Variants in COPS2 observed in about 807,000 individuals in gnomAD.
The protein encoded by COPS2 is COP9 signalosome subunit 2, also known as COP9 signalosome complex subunit 2.
A neutral mutation model predicts 66.1 loss-of-function variants in COPS2; 10 were observed. That is an observed-to-expected ratio of 0.15 (90% CI 0.09 to 0.26). The LOEUF (loss-of-function observed/expected upper bound fraction) is 0.26. Among genes scored for constraint, COPS2 ranks in the 10% least tolerant of loss-of-function variants. COPS2 has a pLI of 1.00. For synonymous variants in COPS2, 179 were observed against 171.3 expected (o/e 1.04, Z -0.35); for missense variants, 215 against 513.3 (o/e 0.42, Z 5.62).
Position 49,126,264 on chromosome 15 carries a change from C to T in COPS2, c.*1686G>A, listed in dbSNP as rs2084165428. 1 of 152,220 alleles carries T rather than the reference C, an allele frequency of 6.6e-6. No homozygotes were observed. Among genetic ancestry groups the T allele is most frequent in the Non-Finnish European group, 1.5e-5 (1 of 67,876 alleles). The allele number at this position is 152,220 out of a possible 1,614,324, so 9.4% of individuals were successfully genotyped here. ...GTTTTCTACAATTTCCAACTTGTACCTGTGTTTAATACTGCTTTAGTCTGC... is the reference window on the plus strand; with the variant it reads ...GTTTTCTACAATTTCCAACTTGTACTTGTGTTTAATACTGCTTTAGTCTGC... On this transcript the variant is annotated 3_prime_UTR_variant, in exon 13 of 13. Coordinates refer to ENST00000388901, the MANE Select transcript of COPS2 (RefSeq NM_004236.4).
chr15:49,153,845 G>A lies in COPS2; in HGVS notation c.54+1680C>T, dbSNP rs79531886. Among the ~76,000 whole-genome samples the A allele has an allele frequency of 5.0e-3, 767 of 152,206 alleles. 5 individuals are homozygous for A. Among genetic ancestry groups the A allele is most frequent in the Middle Eastern group, 0.017 (5 of 294 alleles). ...TGGGAGCAAAAGAAGTTGATTTCAC[G>A]GTGGTAGAGAGTAGAATGATAGGAA... On this transcript the variant is annotated intron_variant, in intron 1 of 12. Coordinates refer to ENST00000388901, the MANE Select transcript of COPS2 (RefSeq NM_004236.4).
chr15:49,139,918 T>C (rs532154011), intron 3 of COPS2, among the ~76,000 whole-genome samples: 1 of 152,336 alleles, frequency 6.6e-6, no homozygotes, highest in South Asian at 2.1e-4. Flanking sequence ...GAAATTGTCA[T>C]TGCACAACAT....
rs189828389 is a variant in COPS2 at position 49,152,644 on chromosome 15, A to G, written c.54+2881T>C. On this transcript the variant is annotated intron_variant, in intron 1 of 12. Coordinates refer to ENST00000388901, the MANE Select transcript of COPS2 (RefSeq NM_004236.4). Reference sequence around the variant, plus strand: ...CAAGACCAGTCTGACCAACATGGTGAAACCCCGCCTCTAATAAAAACACAA... The same window carrying G: ...CAAGACCAGTCTGACCAACATGGTGGAACCCCGCCTCTAATAAAAACACAA... 3.8e-3 allele frequency among the ~76,000 whole-genome samples: 575 copies of G among 152,250 alleles called. 8 individuals are homozygous for G. The highest frequency in any genetic ancestry group is 0.013 in the African/African-American group (551 of 41,538).
intron 3 of COPS2, among the ~76,000 whole-genome samples, chr15:49,142,516 T>C (rs1015968606): frequency 4.6e-5 from 7 of 152,050 alleles, no homozygotes; most frequent in African/African-American, 1.7e-4. Context: ...ATATGGGAAA[T>C]ACAAAAACAG....
intron 10 of COPS2, 124 bp from the exon 11 acceptor site, chr15:49,129,683 T>A (rs778250187): frequency 1.2e-5 from 5 of 433,388 alleles, no homozygotes; most frequent in African/African-American, 1.0e-4. Context: ...ATATAAAGTG[T>A]TTAGATTTTA....
chr15:49,128,057 G>C lies in COPS2; in HGVS notation c.1225C>G (p.Leu409Val). The C allele has an allele frequency of 6.2e-7, 1 of 1,613,826 alleles. No individual in the cohort carries two copies. The highest frequency in any genetic ancestry group is 8.5e-7 in the Non-Finnish European group (1 of 1,179,828). The change falls in exon 13 of 13, where the codon CTT becomes GTT. Residue 409 changes from leucine to valine, a missense_variant. Coordinates refer to ENST00000388901, the MANE Select transcript of COPS2 (RefSeq NM_004236.4). ...CCCCTCTTCTGATGATCCAGTTCAA[G>C]GAGTTGGTTGACTTGATCAATTCGG... is the stretch of plus-strand genomic sequence containing the variant. ...HGRIDQVNQL[L>V]ELDHQKRGGA...
chr15:49,140,478 C>T (rs575885010), intron 3 of COPS2, among the ~76,000 whole-genome samples: 1 of 152,052 alleles, frequency 6.6e-6, no homozygotes, highest in African/African-American at 2.4e-5. Flanking sequence ...CCTCAATACT[C>T]GTTTCAAGTC....
intron 1 of COPS2, among the ~76,000 whole-genome samples, chr15:49,152,227 ACT>A (rs1377782908): frequency 6.6e-6 from 1 of 151,698 alleles, no homozygotes; most frequent in Non-Finnish European, 1.5e-5. Flanking sequence ...AAAAAGAAAA[ACT>A]CTTTTGGCAA....
intron 5 of COPS2, 29 bp downstream of exon 5, chr15:49,137,319 A>G (rs755331936): frequency 9.0e-6 from 14 of 1,548,342 alleles, no homozygotes; most frequent in Admixed American, 3.5e-5. Flanking sequence ...CACTTTTCAA[A>G]AGAAAAGTGT....
rs948289445 is a variant in COPS2 at position 49,144,913 on chromosome 15, G to C, written c.168+52C>G. 6 of 964,616 alleles carry C rather than the reference G, an allele frequency of 6.2e-6. No homozygotes were observed. The African/African-American group carries it at 8.5e-5, about 14-fold the overall frequency. 59.8% of individuals were successfully genotyped at this position (964,616 alleles called of 1,614,324 possible). Reference sequence around the variant, plus strand: ...AATCACCTGGGACTTATTTGTTCTAGCATATCATTAAAAAAATTAACACAT... The same window carrying C: ...AATCACCTGGGACTTATTTGTTCTACCATATCATTAAAAAAATTAACACAT... On this transcript the variant is annotated intron_variant, in intron 2 of 12. Transcript: ENST00000388901.
intron 6 of COPS2, 101 bp from the exon 7 acceptor site, chr15:49,134,615 T>C: frequency 1.0e-6 from 1 of 964,600 alleles, no homozygotes; most frequent in Non-Finnish European, 1.5e-6. Flanking sequence ...TATTTCCATG[T>C]GAAAACACAA....
intron 6 of COPS2, 27 bp from the exon 7 acceptor site, chr15:49,134,541 A>C: frequency 6.5e-7 from 1 of 1,549,834 alleles, no homozygotes; most frequent in Non-Finnish European, 8.8e-7. Flanking sequence ...TTAACTTTAG[A>C]CAAGATAGAA....
At chr15:49,140,415 C>T (rs541785489) in intron 3 of COPS2, among the ~76,000 whole-genome samples, 20 of 152,226 alleles carry the variant, frequency 1.3e-4, no homozygotes, top group South Asian at 2.1e-4. Context: ...TTCTTTTCTC[C>T]CTACAACTGG....
intron 12 of COPS2, 149 bp downstream of exon 12, chr15:49,128,553 T>C (rs1351554588): frequency 1.9e-5 from 10 of 530,352 alleles, no homozygotes; most frequent in Non-Finnish European, 2.7e-5. Flanking sequence ...TCAAAAACCA[T>C]CACACATACA....
intron 3 of COPS2, among the ~76,000 whole-genome samples, chr15:49,141,496 T>A (rs1332932833): frequency 6.6e-6 from 1 of 151,956 alleles, no homozygotes; most frequent in Non-Finnish European, 1.5e-5. Context: ...AGAGCAAGAC[T>A]TCATCTCAAA....
chr15:49,149,221 C>T (rs1054695350), intron 1 of COPS2, among the ~76,000 whole-genome samples: 8 of 152,176 alleles, frequency 5.3e-5, no homozygotes, highest in Non-Finnish European at 1.2e-4. Context: ...ATCCACACAA[C>T]CAAAATCTAC....
intron 9 of COPS2, among the ~76,000 whole-genome samples, chr15:49,131,820 C>T: frequency 6.6e-6 from 1 of 152,080 alleles, no homozygotes; most frequent in Non-Finnish European, 1.5e-5. Context: ...AGACATTCTT[C>T]CATTTCTTAA....
intron 11 of COPS2, among the ~76,000 whole-genome samples, chr15:49,129,120 G>C (rs1257869111): frequency 3.3e-5 from 5 of 152,014 alleles, no homozygotes; most frequent in African/African-American, 1.2e-4. Flanking sequence ...GCTCTTTTCT[G>C]TTAACTCAAT....
At chr15:49,142,925 G>A (rs1181206240) in intron 3 of COPS2, among the ~76,000 whole-genome samples, 2 of 152,232 alleles carry the variant, frequency 1.3e-5, no homozygotes, top group East Asian at 1.9e-4. Context: ...TTTACTTGGG[G>A]GGAGGGGTGG....
Sources: gnomAD v4.1 joint callset for allele counts (sites outside exome capture counted in the v4.1 genomes callset) on GRCh38, gnomAD v4.1.1 for gene constraint, MANE v1.5 for transcripts, NCBI Gene and HGNC (gene_info 2026-07-23, HGNC 2026-07-21) for gene names.